Variants in GSE1 observed in about 807,000 individuals in gnomAD.
GSE1 encodes genetic suppressor element 1.
Under a neutral mutation model 112.6 loss-of-function variants are expected in GSE1, and 32 were observed. That is an observed-to-expected ratio of 0.28 (90% CI 0.21 to 0.38). GSE1 has a LOEUF of 0.38. Among genes scored for constraint, GSE1 ranks in the 10% least tolerant of loss-of-function variants. GSE1 has a pLI of 1.00. For missense variants in GSE1, 2,348 were observed against 1,699.2 expected (o/e 1.38, Z -6.71); for synonymous variants, 1,115 against 735.6 (o/e 1.52, Z -8.35).
chr16:85,346,700 CAGGT>C (rs1270576892), intron 1 of GSE1, among the ~76,000 whole-genome samples: 1 of 145,180 alleles, frequency 6.9e-6, no homozygotes, highest in African/African-American at 2.6e-5. Context: ...GAGTGATTGA[CAGGT>C]AGATGGATGG....
chr16:85,247,707 C>G (rs116437379), intron 1 of GSE1, among the ~76,000 whole-genome samples: 7,766 of 152,254 alleles, frequency 0.051, 677 homozygotes, highest in African/African-American at 0.18. Flanking sequence ...GCCCCTGCCT[C>G]TCATCTTTCA....
intron 2 of GSE1, among the ~76,000 whole-genome samples, chr16:85,410,041 C>CCCCT (rs1235637355): frequency 1.6e-4 from 1 of 6,438 alleles, no homozygotes; most frequent in Non-Finnish European, 2.8e-4. Context: ...GGGCCCCCCC[C>CCCCT]GGATAATCCT....
chr16:85,422,113 C>T (rs542277544), intron 2 of GSE1, among the ~76,000 whole-genome samples: 32 of 152,140 alleles, frequency 2.1e-4, no homozygotes, highest in Non-Finnish European at 3.5e-4. Context: ...TCATCGAACC[C>T]CCATGTCCCC....
intron 1 of GSE1, among the ~76,000 whole-genome samples, chr16:85,251,148 CT>C (rs1412554255): frequency 1.3e-5 from 2 of 152,250 alleles, no homozygotes; most frequent in African/African-American, 4.8e-5. Flanking sequence ...TCTCCATCCC[CT>C]CAGACATGTG....
intron 1 of GSE1, among the ~76,000 whole-genome samples, chr16:85,259,400 G>GT (rs1350897754): frequency 6.6e-6 from 1 of 152,176 alleles, no homozygotes; most frequent in Admixed American, 6.5e-5. Context: ...CTGAAGACTT[G>GT]TTTTTTGTGT....
intron 1 of GSE1, among the ~76,000 whole-genome samples, chr16:85,200,404 C>T (rs1379416611): frequency 7.0e-6 from 1 of 143,250 alleles, no homozygotes; most frequent in Non-Finnish European, 1.5e-5. Flanking sequence ...CTGCAAGTAT[C>T]CTCCATCTCC....
At chr16:85,240,457 C>T (rs533913926) in intron 1 of GSE1, among the ~76,000 whole-genome samples, 8 of 152,252 alleles carry the variant, frequency 5.3e-5, no homozygotes, top group South Asian at 2.1e-4. Context: ...TCCTCATCAA[C>T]GTCTCTCCTG....
chr16:85,184,213 C>G (rs1032456521), intron 1 of GSE1, among the ~76,000 whole-genome samples: 3 of 152,206 alleles, frequency 2.0e-5, no homozygotes, highest in Non-Finnish European at 4.4e-5. Flanking sequence ...ATTTGTGACT[C>G]AGGCCTGTCT....
rs28633217 is a variant in GSE1, at chr16:85,291,158, G to C, written c.2284-66305G>C. ...TTTACAGAAGGGGAAACTGAGGCAT[G>C]TAGTGGGTATGTCCCTCACCCAGGG... On this transcript the variant is annotated intron_variant, in intron 1 of 2. Coordinates refer to the GSE1 transcript ENST00000637419. Among the ~76,000 whole-genome samples the C allele has an allele frequency of 4.2e-3, 636 of 152,344 alleles. 1 individual carries two copies. The highest frequency in any genetic ancestry group is 0.015 in the African/African-American group (611 of 41,580).
rs114060256 is a variant in GSE1, at chr16:85,263,356, C to T, written c.2283+91549C>T. 3.3e-3 allele frequency among the ~76,000 whole-genome samples: 500 copies of T among 152,140 alleles called. 5 individuals carry two copies. Among genetic ancestry groups the T allele is most frequent in the African/African-American group, 0.011 (476 of 41,496 alleles). The stretch of plus-strand genomic sequence containing the variant: ...TGTGCATCAGAGGCCCCCAGAGAGC[C>T]GGGGAATCAGGCTGCTGGCAGTACT... On this transcript the variant is annotated intron_variant, in intron 1 of 2. Transcript: ENST00000637419.
chr16:85,629,084 C>G (rs1283341400), intron 1 of GSE1, among the ~76,000 whole-genome samples: 1 of 152,216 alleles, frequency 6.6e-6, no homozygotes, highest in Non-Finnish European at 1.5e-5. Flanking sequence ...CCTCTCTCAC[C>G]ACTGGATGTG....
intron 1 of GSE1, among the ~76,000 whole-genome samples, chr16:85,267,180 C>T (rs1454727473): frequency 6.6e-6 from 1 of 152,192 alleles, no homozygotes; most frequent in Admixed American, 6.5e-5. Context: ...GGGCTGGCCT[C>T]CCCTGAGACT....
At chr16:85,478,853 TTCTTTC>T (rs2050551426) in intron 2 of GSE1, among the ~76,000 whole-genome samples, 1 of 14,836 alleles carries the variant, frequency 6.7e-5, no homozygotes, top group Admixed American at 7.6e-4. Context: ...CTTTCTTTCT[TTCTTTC>T]TTTCTTTCTT....
upstream of GSE1, chr16:85,554,912 G>A: frequency 1.0e-6 from 1 of 985,414 alleles, no homozygotes; most frequent in South Asian, 4.7e-5. Flanking sequence ...GCGAAGGGGA[G>A]CACCCTGCCT....
intron 2 of GSE1, among the ~76,000 whole-genome samples, chr16:85,474,788 G>A (rs553090679): frequency 8.5e-5 from 13 of 152,100 alleles, no homozygotes; most frequent in African/African-American, 2.7e-4. Flanking sequence ...ACCCCTGGAA[G>A]GGGGAGCCTG....
chr16:85,174,170 G>A (rs143565772), intron 1 of GSE1, among the ~76,000 whole-genome samples: 126 of 152,324 alleles, frequency 8.3e-4, no homozygotes, highest in African/African-American at 2.7e-3. Context: ...TTCAGCCTCC[G>A]TGGGCGGGAG....
At chr16:85,656,019 G>A in intron 6 of GSE1, 102 bp downstream of exon 6, 1 of 904,514 alleles carries the variant, frequency 1.1e-6, no homozygotes, top group Non-Finnish European at 1.7e-6. Flanking sequence ...CCTTGGCCAT[G>A]CCTGTCCTCA....
intron 1 of GSE1, among the ~76,000 whole-genome samples, chr16:85,589,466 G>T (rs1402150408): frequency 1.3e-5 from 2 of 152,210 alleles, no homozygotes; most frequent in Non-Finnish European, 2.9e-5. Flanking sequence ...AACTCCAGAG[G>T]AGCCATGGCG....
At chr16:85,188,299 G>C (rs1462957259) in intron 1 of GSE1, among the ~76,000 whole-genome samples, 1 of 152,188 alleles carries the variant, frequency 6.6e-6, no homozygotes, top group Non-Finnish European at 1.5e-5. Context: ...TCCCTCATCT[G>C]TATATGGGAA....
Sources: gnomAD v4.1 joint callset for allele counts (sites outside exome capture counted in the v4.1 genomes callset) on GRCh38, gnomAD v4.1.1 for gene constraint, MANE v1.5 for transcripts, NCBI Gene and HGNC (gene_info 2026-07-23, HGNC 2026-07-21) for gene names.